The following CD36 variants were observed in gnomAD, a reference collection of about 807,000 sequenced individuals.
CD36 encodes platelet glycoprotein 4.
CD36 carries 119 observed loss-of-function variants against 55.2 expected under a neutral mutation model. That is an observed-to-expected ratio of 2.15 (90% CI 1.86 to 2.51). The LOEUF (loss-of-function observed/expected upper bound fraction) is 2.51. Among genes scored for constraint, CD36 ranks in the 30% most tolerant of loss-of-function variants. The pLI is 0.00. For missense variants in CD36, 819 were observed against 555.5 expected, an observed-to-expected ratio of 1.47 and a Z score of -4.77; for synonymous variants, 186 against 193.6, an observed-to-expected ratio of 0.96 and a Z score of 0.33.
intron 1 of CD36, among the ~76,000 whole-genome samples, chr7:80,640,265 T>C (rs889548176): frequency 4.6e-5 from 7 of 152,026 alleles, no homozygotes; most frequent in African/African-American, 1.7e-4. Flanking sequence ...CATTTCATTA[T>C]AATCTAACTA....
Position 80,674,166 on chromosome 7 carries a change from A to G in CD36, c.*19A>G. ...AAAATAAGTAAGTATGTACCAAAAA[A>G]TATTGCTTCAATAATATTAGCTTAT... On this transcript the variant is annotated intron_variant, in intron 14 of 14. Coordinates refer to ENST00000447544, the MANE Select transcript of CD36 (RefSeq NM_001001548.3). 9 of 1,557,476 alleles carry G rather than the reference A, an allele frequency of 5.8e-6. No homozygotes were observed. Among genetic ancestry groups the G allele is most frequent in the Non-Finnish European group, 7.1e-6 (8 of 1,130,468 alleles).
At chr7:80,644,920 CA>C (rs2116368972) in intron 1 of CD36, among the ~76,000 whole-genome samples, 1 of 152,132 alleles carries the variant, frequency 6.6e-6, no homozygotes, top group Non-Finnish European at 1.5e-5. Context: ...ATTGCAACAA[CA>C]AAGAAGTTCA....
At chr7:80,639,231 G>T (rs1794649091) in intron 1 of CD36, among the ~76,000 whole-genome samples, 1 of 151,834 alleles carries the variant, frequency 6.6e-6, no homozygotes, top group Admixed American at 6.6e-5. Flanking sequence ...AATCTGAATT[G>T]CACAACTTTT....
Position 80,674,056 on chromosome 7 carries a change from T to G in CD36, c.1328T>G (p.Leu443Arg). The change falls in exon 14 of 15, where the codon CTG (leucine) becomes CGG (arginine). Residue 443 changes from leucine (L) to arginine (R), a missense_variant. Leu to Arg is a moderately radical substitution (Grantham distance 102). Coordinates refer to ENST00000447544, the MANE Select transcript of CD36 (RefSeq NM_001001548.3). ...ACTGGAAAAATAAACCTCCTTGGCCTGATAGAAATGATCTTACTCAGTGTT... is the reference window on the plus strand; with the variant it reads ...ACTGGAAAAATAAACCTCCTTGGCCGGATAGAAATGATCTTACTCAGTGTT... Reference protein sequence around the residue: ...QVTGKINLLGLIEMILLSVGV... With the variant: ...QVTGKINLLGRIEMILLSVGV... The G allele has an allele frequency of 6.2e-7, 1 of 1,611,990 alleles. No homozygotes were observed. The highest frequency in any genetic ancestry group is 1.1e-5 in the South Asian group (1 of 90,992).
At chr7:80,632,560 G>T (rs555127101) in intron 1 of CD36, among the ~76,000 whole-genome samples, 1 of 151,946 alleles carries the variant, frequency 6.6e-6, no homozygotes, top group African/African-American at 2.4e-5. Flanking sequence ...ATTTGCCAGC[G>T]TGGTTTAGTG....
At chr7:80,606,975 C>A (rs188402628) in intron 1 of CD36, among the ~76,000 whole-genome samples, 3 of 152,202 alleles carry the variant, frequency 2.0e-5, no homozygotes, top group Non-Finnish European at 4.4e-5. Flanking sequence ...TACTGCAGCT[C>A]TGTTATAATC....
chr7:80,625,337 T>C (rs1458958255), intron 1 of CD36, among the ~76,000 whole-genome samples: 1 of 152,172 alleles, frequency 6.6e-6, no homozygotes, highest in Non-Finnish European at 1.5e-5. Flanking sequence ...TGTATTGTGA[T>C]ACATTGTTCT....
At chr7:80,646,568 C>T (rs1001792860) in intron 2 of CD36, 84 bp from the exon 3 acceptor site, 11 of 729,460 alleles carry the variant, frequency 1.5e-5, no homozygotes, top group Admixed American at 5.2e-5. Flanking sequence ...CAAAATGATA[C>T]GTTTCAGTGG....
Position 80,672,654 on chromosome 7 carries a change from TAGTCCTGTTTA to T in CD36, c.1126-114_1126-104del, listed in dbSNP as rs1797809790. 4 of 709,446 alleles carry T rather than the reference TAGTCCTGTTTA, an allele frequency of 5.6e-6. No homozygotes were observed. The South Asian group carries it at 6.5e-5, about 11-fold the overall frequency. 43.9% of individuals were successfully genotyped at this position (709,446 alleles called of 1,614,324 possible). A position where few individuals can be genotyped will look rare whatever the true frequency, so the allele number is the denominator to read the frequency against. On this transcript the variant is annotated intron_variant, in intron 11 of 14. Coordinates refer to ENST00000447544, the MANE Select transcript of CD36 (RefSeq NM_001001548.3). ...TATATGCAGTTTTAAAAGTTTCAATTAGTCCTGTTTAACCTTAAGTTACTACCTTCTCTTCT... is the reference window on the plus strand; with the variant it reads ...TATATGCAGTTTTAAAAGTTTCAATTACCTTAAGTTACTACCTTCTCTTCT...
chr7:80,611,128 C>T (rs1474471436), intron 1 of CD36, among the ~76,000 whole-genome samples: 3 of 152,098 alleles, frequency 2.0e-5, no homozygotes, highest in Non-Finnish European at 4.4e-5. Context: ...AGCAATCCTC[C>T]CTCTTGGGCC....
chr7:80,675,667 T>C (rs1027087668), intron 14 of CD36, among the ~76,000 whole-genome samples: 2 of 152,106 alleles, frequency 1.3e-5, no homozygotes, highest in Non-Finnish European at 2.9e-5. Context: ...TCACAAAAGA[T>C]ATGTAGATTT....
chr7:80,670,738 G>A, intron 9 of CD36: 1 of 513,250 alleles, frequency 1.9e-6, no homozygotes. Flanking sequence ...TGGATAAATT[G>A]CCTGTGAGAA....
upstream of CD36, among the ~76,000 whole-genome samples, chr7:80,635,774 T>G (rs1193088215): frequency 1.3e-5 from 2 of 152,132 alleles, no homozygotes; most frequent in African/African-American, 4.8e-5. Flanking sequence ...TCCTAGCAGA[T>G]GTTCTTAATC....
At chr7:80,668,128 A>G (rs1269888653) in intron 8 of CD36, among the ~76,000 whole-genome samples, 1 of 152,188 alleles carries the variant, frequency 6.6e-6, no homozygotes, top group African/African-American at 2.4e-5. Context: ...TAAATTTTCA[A>G]GTCCTCAATA....
At position 80,656,694 on chromosome 7, in the gene CD36, C is replaced by G. The variant is rs150037612; in HGVS notation, c.275C>G (p.Thr92Arg). 6.2e-5 allele frequency: 100 copies of G among 1,613,216 alleles called. 3 individuals are homozygous for G. The Middle Eastern group carries it at 3.1e-3, about 51-fold the overall frequency. ...NIQVKQRGPY[T>R]YRVRFLAKEN... The stretch of plus-strand genomic sequence containing the variant: ...CAAGTTAAGCAAAGAGGTCCTTATA[C>G]GTACAGGTGAGTGAGTCCCCACAAA... Residue 92 changes from threonine to arginine, a missense_variant, in exon 4 of 15, where the codon ACG (threonine) becomes AGG (arginine). Coordinates refer to ENST00000447544, the MANE Select transcript of CD36 (RefSeq NM_001001548.3).
rs1478385133 is a variant in CD36 at position 80,666,449 on chromosome 7, G to T, written c.708G>T (p.Leu236=). Residue 236 remains leucine (L), a synonymous_variant, in exon 8 of 15, where the codon CTG becomes CTT. Coordinates refer to ENST00000447544, the MANE Select transcript of CD36 (RefSeq NM_001001548.3). ...IIDTYKGKRN[L]SYWESHCDMI... The stretch of plus-strand genomic sequence containing the variant: ...TGTCTTTTTCTATTCCTAGGAATCT[G>T]TCCTATTGGGAAAGTCACTGCGACA... 1.2e-6 allele frequency: 2 copies of T among 1,600,224 alleles called. No homozygotes were observed. Among genetic ancestry groups the T allele is most frequent in the Non-Finnish European group, 8.6e-7 (1 of 1,167,976 alleles).
chr7:80,605,095 G>A (rs1191061277), intron 1 of CD36, among the ~76,000 whole-genome samples: 3 of 152,094 alleles, frequency 2.0e-5, no homozygotes, highest in Non-Finnish European at 4.4e-5. Context: ...AAAGCATCCT[G>A]TCTTTCCAGA....
chr7:80,674,016 T>A lies in CD36; in HGVS notation c.1288T>A (p.Phe430Ile), dbSNP rs1798003401. 6.2e-7 allele frequency: 1 copy of A among 1,612,088 alleles called. No individual in the cohort carries two copies. Among genetic ancestry groups the A allele is most frequent in the African/African-American group, 1.3e-5 (1 of 74,830 alleles). Residue 430 changes from phenylalanine (F) to isoleucine (I), a missense_variant, in exon 14 of 15, where the codon TTC (phenylalanine) becomes ATC (isoleucine). Physicochemically the swap from Phe to Ile is conservative, Grantham distance 21 (BLOSUM62 0). Transcript: ENST00000447544. ...CATTGGTGATGAGAAGGCAAACATG[T>A]TCAGAAGTCAAGTAACTGGAAAAAT... ...GTIGDEKANM[F>I]RSQVTGKINL...
At chr7:80,622,872 C>A (rs1793545187) in intron 1 of CD36, among the ~76,000 whole-genome samples, 1 of 152,128 alleles carries the variant, frequency 6.6e-6, no homozygotes, top group South Asian at 2.1e-4. Flanking sequence ...GTACCTAGAC[C>A]AATTTGGACA....
Sources: gnomAD v4.1 joint callset for allele counts (sites outside exome capture counted in the v4.1 genomes callset) on GRCh38, gnomAD v4.1.1 for gene constraint, MANE v1.5 for transcripts, NCBI Gene and HGNC (gene_info 2026-07-23, HGNC 2026-07-21) for gene names.